Variants in CASKIN2 observed in about 807,000 individuals in gnomAD.
The protein encoded by CASKIN2 is caskin-2.
In CASKIN2, 41 loss-of-function variants were observed where a neutral mutation model predicts 107.1. The observed-to-expected ratio is 0.38, with a 90% CI of 0.30 to 0.50. The LOEUF is 0.50. Ranked by LOEUF, CASKIN2 falls within the 20% of genes least tolerant of loss-of-function variation. The probability of loss-of-function intolerance (pLI) is 0.92; values close to 1 mark genes in which losing one functional copy is unlikely to be tolerated. For synonymous variants in CASKIN2, 724 were observed against 705.6 expected (o/e 1.03, Z -0.41); for missense variants, 1,546 against 1,657.4 (o/e 0.93, Z 1.17).
intron 19 of CASKIN2, 142 bp downstream of exon 19, chr17:75,501,326 C>T: frequency 8.3e-7 from 1 of 1,199,602 alleles, no homozygotes; most frequent in Non-Finnish European, 1.2e-6. Flanking sequence ...ATTCCCTGAT[C>T]TAGGTGATTT....
Position 75,502,741 on chromosome 17 carries a change from A to G in CASKIN2, c.2333T>C (p.Phe778Ser), listed in dbSNP as rs1485251229. 6.3e-7 allele frequency: 1 copy of G among 1,587,846 alleles called. No individual in the cohort carries two copies. Among genetic ancestry groups the G allele is most frequent in the Non-Finnish European group, 8.6e-7 (1 of 1,166,078 alleles). The change falls in exon 18 of 20, where the codon TTC becomes TCC. Residue 778 changes from phenylalanine to serine, a missense_variant. Coordinates refer to ENST00000321617, the MANE Select transcript of CASKIN2 (RefSeq NM_020753.5). This position sits in a 1 kb window ranked among gnomAD's most constrained non-coding sequence, Gnocchi z 4.3. ...PGPPPGAPWA[F>S]SYLAGPPATP... ...GGCAGGGGGCCCGGCCAAGTAGGAG[A>G]AGGCCCAGGGTGCGCCAGGAGGTGG...
Position 75,513,932 on chromosome 17 carries a change from G to A in CASKIN2, c.-128C>T, listed in dbSNP as rs184525624. ...CTCCCGGTTCCGGGGGAGCAAGTCAGGTGTCCCAGGCAGTGGGCTCCTCGT... is the reference window on the plus strand; with the variant it reads ...CTCCCGGTTCCGGGGGAGCAAGTCAAGTGTCCCAGGCAGTGGGCTCCTCGT... On this transcript the variant is annotated 5_prime_UTR_variant, in exon 2 of 20. Transcript: ENST00000321617. 8 of 725,326 alleles carry A rather than the reference G, an allele frequency of 1.1e-5. No homozygotes were observed. The East Asian group carries it at 2.1e-4, about 19-fold the overall frequency. 44.9% of individuals were successfully genotyped at this position (725,326 alleles called of 1,614,324 possible).
Position 75,505,958 on chromosome 17 carries a change from G to A in CASKIN2, c.727-29C>T, listed in dbSNP as rs62092262. The A allele has an allele frequency of 3.8e-6, 6 of 1,582,876 alleles. No individual in the cohort carries two copies. Among genetic ancestry groups the A allele is most frequent in the Admixed American group, 1.7e-5 (1 of 59,568 alleles). ...GGTGCACAGTGTCACATGAGCACAC[G>A]CTAAGCACTTTGACACCCCTCACCC... On this transcript the variant is annotated intron_variant, in intron 8 of 19. Coordinates refer to ENST00000321617, the MANE Select transcript of CASKIN2 (RefSeq NM_020753.5). The surrounding 1 kb of genome is among the most constrained non-coding windows in gnomAD (Gnocchi z 5.1).
chr17:75,514,818 C>T (rs952315892), intron 1 of CASKIN2, among the ~76,000 whole-genome samples: 1 of 152,196 alleles, frequency 6.6e-6, no homozygotes, highest in Admixed American at 6.5e-5. Context: ...CCGCCCTCGC[C>T]CCTTGTGTCG....
chr17:75,506,426 G>T lies in CASKIN2; in HGVS notation c.618-13C>A, dbSNP rs751714796. 3 of 1,606,586 alleles carry T rather than the reference G, an allele frequency of 1.9e-6. No homozygotes were observed. Among genetic ancestry groups the T allele is most frequent in the South Asian group, 1.1e-5 (1 of 91,024 alleles). Reference sequence around the variant, plus strand: ...TCTCAGGAGCTGCCTGCAGTGGACGGGGGGAGTCACGGGGGAGGTGGCGTA... The same window carrying T: ...TCTCAGGAGCTGCCTGCAGTGGACGTGGGGAGTCACGGGGGAGGTGGCGTA... On this transcript the variant is annotated splice_polypyrimidine_tract_variant and intron_variant, in intron 7 of 19. Coordinates refer to ENST00000321617, the MANE Select transcript of CASKIN2 (RefSeq NM_020753.5). This position sits in a 1 kb window ranked among gnomAD's most constrained non-coding sequence, Gnocchi z 4.8.
At chr17:75,512,936 A>G (rs1567998586) in intron 2 of CASKIN2, among the ~76,000 whole-genome samples, 1 of 151,512 alleles carries the variant, frequency 6.6e-6, no homozygotes, top group Non-Finnish European at 1.5e-5. Flanking sequence ...ATATCCTCTT[A>G]AGACACGAAC....
intron 2 of CASKIN2, among the ~76,000 whole-genome samples, chr17:75,512,953 G>A (rs1310340698): frequency 7.2e-5 from 11 of 152,002 alleles, no homozygotes; most frequent in African/African-American, 2.7e-4. Flanking sequence ...GAACATAGAG[G>A]TGCTCTGGTT....
Position 75,502,456 on chromosome 17 carries a change from G to C in CASKIN2, c.2618C>G (p.Pro873Arg). ...GCCAGAGACGGAGCTGAGGCGCTTG[G>C]GGGGCGGGGGCGGGGGGCCTTTGCG... ...ARRKGPPPPP[P>R]KRLSSVSGPS... The change falls in exon 18 of 20, where the codon CCC (proline) becomes CGC (arginine). Residue 873 changes from proline (P) to arginine (R), a missense_variant. Pro to Arg is a moderately radical substitution (Grantham distance 103). This residue lies in a region of CASKIN2 where 1,311 missense variants were observed against 1,311.0 expected (regional missense o/e 1.00). Transcript: ENST00000321617. This position sits in a 1 kb window ranked among gnomAD's most constrained non-coding sequence, Gnocchi z 4.3. 1 of 1,443,270 alleles carries C rather than the reference G, an allele frequency of 6.9e-7. No individual in the cohort carries two copies. The highest frequency in any genetic ancestry group is 9.1e-7 in the Non-Finnish European group (1 of 1,092,994). The allele number at this position is 1,443,270 out of a possible 1,614,324, so 89.4% of individuals were successfully genotyped here.
chr17:75,512,974 C>T (rs935030379), intron 2 of CASKIN2, among the ~76,000 whole-genome samples: 8 of 151,792 alleles, frequency 5.3e-5, no homozygotes, highest in Non-Finnish European at 1.2e-4. Flanking sequence ...GAAATGTGTG[C>T]GTTTGAGGTT....
chr17:75,512,907 A>AAC (rs1204182343), intron 2 of CASKIN2, among the ~76,000 whole-genome samples: 2 of 151,608 alleles, frequency 1.3e-5, no homozygotes, highest in Non-Finnish European at 2.9e-5. Context: ...CTCAAAAAAA[A>AAC]AAAACAGCTA....
Position 75,506,449 on chromosome 17 carries a change from G to T in CASKIN2, c.618-36C>A. The T allele has an allele frequency of 6.3e-7, 1 of 1,586,536 alleles. No homozygotes were observed. On this transcript the variant is annotated intron_variant, in intron 7 of 19. Coordinates refer to ENST00000321617, the MANE Select transcript of CASKIN2 (RefSeq NM_020753.5). This position sits in a 1 kb window ranked among gnomAD's most constrained non-coding sequence, Gnocchi z 4.8. ...CGGGGGGAGTCACGGGGGAGGTGGCGTAGGAGGGGGTGCTGACTGCTGGGG... is the reference window on the plus strand; with the variant it reads ...CGGGGGGAGTCACGGGGGAGGTGGCTTAGGAGGGGGTGCTGACTGCTGGGG...
chr17:75,514,107 C>A lies in CASKIN2; in HGVS notation c.-303G>T. On this transcript the variant is annotated 5_prime_UTR_variant, in exon 2 of 20. Coordinates refer to ENST00000321617, the MANE Select transcript of CASKIN2 (RefSeq NM_020753.5). ...CTCCAGGATGGGCTGGGACTGGGCA[C>A]ACCAATCTTCCCGGCTTGGCTGTGG... The A allele has an allele frequency of 1.9e-6, 1 of 539,428 alleles. No individual in the cohort carries two copies. Among genetic ancestry groups the A allele is most frequent in the Non-Finnish European group, 3.3e-6 (1 of 304,750 alleles). 33.4% of individuals were successfully genotyped at this position (539,428 alleles called of 1,614,324 possible). A position where few individuals can be genotyped will look rare whatever the true frequency, so the allele number is the denominator to read the frequency against.
intron 3 of CASKIN2, chr17:75,507,980 A>G (rs1377177195): frequency 1.5e-5 from 9 of 588,204 alleles, no homozygotes; most frequent in Admixed American, 3.0e-5. Context: ...GCCCCAAAGG[A>G]ATCTGACCCC....
In CASKIN2 at chr17:75,504,849, G is replaced by A; in HGVS notation, c.1155C>T (p.Ser385=). 6.2e-7 allele frequency: 1 copy of A among 1,611,728 alleles called. No homozygotes were observed. The highest frequency in any genetic ancestry group is 2.2e-5 in the East Asian group (1 of 44,854). The change falls in exon 11 of 20, where the codon AGC becomes AGT. Residue 385 remains serine, a synonymous_variant. Coordinates refer to ENST00000321617, the MANE Select transcript of CASKIN2 (RefSeq NM_020753.5). ...AEEPPHPLTY[S]QLPRVGLSPD... is the part of the protein sequence containing the mutation. ...GGCTGAGGCCCACCCGAGGAAGCTG[G>A]CTGTAGGTAAGAGGGTGCGGGGGTT... is the stretch of plus-strand genomic sequence containing the variant.
chr17:75,514,446 C>T (rs1254068108), intron 1 of CASKIN2, among the ~76,000 whole-genome samples: 1 of 152,110 alleles, frequency 6.6e-6, no homozygotes, highest in Non-Finnish European at 1.5e-5. Flanking sequence ...GTCACTGGGG[C>T]CCCAGGGCAC....
Position 75,501,116 on chromosome 17 carries a change from G to T in CASKIN2, c.3573C>A (p.Asp1191Glu). 6.3e-7 allele frequency: 1 copy of T among 1,589,922 alleles called. No homozygotes were observed. The highest frequency in any genetic ancestry group is 8.6e-7 in the Non-Finnish European group (1 of 1,168,132). Residue 1191 changes from aspartate (D) to glutamate (E), a missense_variant, in exon 20 of 20, where the codon GAC becomes GAA. Physicochemically the swap from Asp to Glu is conservative, Grantham distance 45. Coordinates refer to ENST00000321617, the MANE Select transcript of CASKIN2 (RefSeq NM_020753.5). ...HILDDISTMF[D>E]ALADQLDAML... ...TGGCGTCCAGCTGGTCAGCCAGGGCGTCGAACATGGTGCTGATGTCATCCA... is the reference window on the plus strand; with the variant it reads ...TGGCGTCCAGCTGGTCAGCCAGGGCTTCGAACATGGTGCTGATGTCATCCA...
In CASKIN2 at chr17:75,502,117, T is replaced by C; in HGVS notation, c.2957A>G (p.Glu986Gly). 1.2e-6 allele frequency: 2 copies of C among 1,606,398 alleles called. No homozygotes were observed. The highest frequency in any genetic ancestry group is 1.7e-6 in the Non-Finnish European group (2 of 1,179,672). Residue 986 changes from glutamate (E) to glycine (G), a missense_variant, in exon 18 of 20, where the codon GAA (glutamate) becomes GGA (glycine). Physicochemically the swap from Glu to Gly is moderately conservative, Grantham distance 98. Transcript: ENST00000321617. This position sits in a 1 kb window ranked among gnomAD's most constrained non-coding sequence, Gnocchi z 4.3. ...VPPGLDFNLT[E>G]SDTVKRRPKC... ...GGGCCTCCGCTTAACAGTGTCTGATTCCGTGAGGTTGAAATCGAGGCCGGG... is the reference window on the plus strand; with the variant it reads ...GGGCCTCCGCTTAACAGTGTCTGATCCCGTGAGGTTGAAATCGAGGCCGGG...
At position 75,513,962 on chromosome 17, in the gene CASKIN2, T is replaced by A. The variant is rs967676423; in HGVS notation, c.-158A>T. ...CCCAGGCAGTGGGCTCCTCGTCAGGTACTGAGGGATACTCCCAAAGGTGCT... is the reference window on the plus strand; with the variant it reads ...CCCAGGCAGTGGGCTCCTCGTCAGGAACTGAGGGATACTCCCAAAGGTGCT... On this transcript the variant is annotated 5_prime_UTR_variant, in exon 2 of 20. Coordinates refer to ENST00000321617, the MANE Select transcript of CASKIN2 (RefSeq NM_020753.5). 6.6e-5 allele frequency: 41 copies of A among 624,940 alleles called. No homozygotes were observed. The highest frequency in any genetic ancestry group is 1.0e-4 in the Non-Finnish European group (35 of 350,482). 38.7% of individuals were successfully genotyped at this position (624,940 alleles called of 1,614,324 possible). A position where few individuals can be genotyped will look rare whatever the true frequency, so the allele number is the denominator to read the frequency against.
Position 75,504,797 on chromosome 17 carries a change from C to T in CASKIN2, c.1192+15G>A. ...GCCCACACAGTGCCCAGCACTGCCC[C>T]CTGGGAGGATGTACCTGGGCTGTCT... On this transcript the variant is annotated intron_variant, in intron 11 of 19. Coordinates refer to ENST00000321617, the MANE Select transcript of CASKIN2 (RefSeq NM_020753.5). The T allele has an allele frequency of 6.2e-7, 1 of 1,604,474 alleles. No individual in the cohort carries two copies. The highest frequency in any genetic ancestry group is 8.5e-7 in the Non-Finnish European group (1 of 1,175,834).
Sources: allele counts gnomAD v4.1 joint callset (sites outside exome capture counted in the v4.1 genomes callset), GRCh38; gene constraint gnomAD v4.1.1; regional missense constraint gnomAD v4.1.1; non-coding constraint Gnocchi (gnomAD v3.1); transcripts MANE v1.5; gene names NCBI Gene and HGNC (gene_info 2026-07-23, HGNC 2026-07-21).